The following RNLS variants were observed in gnomAD, a reference collection of about 807,000 sequenced individuals.
The protein encoded by RNLS is renalase, FAD dependent amine oxidase.
A neutral mutation model predicts 39.8 loss-of-function variants in RNLS; 39 were observed. The ratio of observed to expected loss-of-function variants is 0.98; its 90% confidence interval spans 0.76 to 1.28. RNLS has a LOEUF of 1.28. Among genes scored for constraint, RNLS ranks in the 50% most tolerant of loss-of-function variants. The probability of loss-of-function intolerance (pLI) is 0.00; values close to 1 mark genes in which losing one functional copy is unlikely to be tolerated. For missense variants in RNLS, 410 were observed against 413.3 expected, an observed-to-expected ratio of 0.99 and a Z score of 0.07; for synonymous variants, 147 against 150.7, an observed-to-expected ratio of 0.98 and a Z score of 0.18.
chr10:88,385,068 T>C (rs1290350758), intron 4 of RNLS, among the ~76,000 whole-genome samples: 1 of 152,334 alleles, frequency 6.6e-6, no homozygotes, highest in East Asian at 1.9e-4. Context: ...TAAAAGACCA[T>C]GCATCAAAAG....
the RNLS span, among the ~76,000 whole-genome samples, chr10:88,235,075 C>T: frequency 6.6e-6 from 1 of 151,870 alleles, no homozygotes; most frequent in Admixed American, 6.6e-5. Flanking sequence ...TCCTGGCTAA[C>T]ACGGTGAAAC....
chr10:88,328,621 G>C (rs370598177), intron 5 of RNLS, among the ~76,000 whole-genome samples: 1 of 151,878 alleles, frequency 6.6e-6, no homozygotes, highest in Non-Finnish European at 1.5e-5. Flanking sequence ...TATTTTTAGC[G>C]AATACTGATA....
intron 5 of RNLS, among the ~76,000 whole-genome samples, chr10:88,327,896 CCCAG>C (rs1037587187): frequency 6.6e-6 from 1 of 152,040 alleles, no homozygotes; most frequent in Non-Finnish European, 1.5e-5. Flanking sequence ...AGCCACTGCG[CCCAG>C]CCAATTTATT....
At chr10:88,238,716 T>C in the RNLS span, among the ~76,000 whole-genome samples, 1 of 152,172 alleles carries the variant, frequency 6.6e-6, no homozygotes, top group East Asian at 1.9e-4. Flanking sequence ...AGCCAACATG[T>C]TTTATGAGGC....
chr10:88,364,602 G>A (rs1007856590), intron 4 of RNLS, among the ~76,000 whole-genome samples: 3 of 152,092 alleles, frequency 2.0e-5, no homozygotes, highest in Non-Finnish European at 4.4e-5. Context: ...CTGCAAGTCT[G>A]AGTTTCAGAA....
At chr10:88,276,049 G>A (rs1358114513) in intron 6 of RNLS, among the ~76,000 whole-genome samples, 4 of 152,024 alleles carry the variant, frequency 2.6e-5, no homozygotes, top group African/African-American at 9.7e-5. Context: ...GCAAGACACT[G>A]TCTCTAAAAA....
chr10:88,445,732 G>A (rs1212306027), intron 4 of RNLS, among the ~76,000 whole-genome samples: 4 of 152,232 alleles, frequency 2.6e-5, no homozygotes, highest in South Asian at 2.1e-4. Flanking sequence ...ATTACATAAC[G>A]ATAAAGAGAT....
chr10:88,511,743 C>T (rs748847481), intron 4 of RNLS, among the ~76,000 whole-genome samples: 2 of 152,162 alleles, frequency 1.3e-5, no homozygotes, highest in Non-Finnish European at 2.9e-5. Context: ...GTGATCTACA[C>T]TCAAATGCTC....
chr10:88,206,358 T>C, the RNLS span, among the ~76,000 whole-genome samples: 1 of 152,206 alleles, frequency 6.6e-6, no homozygotes, highest in Admixed American at 6.6e-5. Flanking sequence ...AGAACACTCT[T>C]TCTCTGTTGA....
Position 88,501,015 on chromosome 10 carries a change from A to ATC in RNLS, c.526+71886_526+71887dup, listed in dbSNP as rs745674843. Reference sequence around the variant, plus strand: ...TATATATATGTGTGTGTGTATATATATCTCTGTGTGTGTGTGTGTGTGTAT... The same window carrying ATC: ...TATATATATGTGTGTGTGTATATATATCTCTCTGTGTGTGTGTGTGTGTGTAT... On this transcript the variant is annotated intron_variant, in intron 4 of 6. Coordinates refer to ENST00000331772, the MANE Select transcript of RNLS (RefSeq NM_001031709.3). Among the ~76,000 whole-genome samples, 40 of 121,556 alleles carry ATC rather than the reference A, an allele frequency of 3.3e-4. No individual in the cohort carries two copies. In the East Asian group the frequency reaches 5.2e-3, roughly 16 times the overall value. 79.7% of individuals were successfully genotyped at this position (121,556 alleles called of 152,430 possible). A position where few individuals can be genotyped will look rare whatever the true frequency, so the allele number is the denominator to read the frequency against.
chr10:88,226,714 T>C, the RNLS span, among the ~76,000 whole-genome samples: 1 of 150,826 alleles, frequency 6.6e-6, no homozygotes, highest in Non-Finnish European at 1.5e-5. Flanking sequence ...CTCTCTTCTC[T>C]GAATTAAAAT....
At chr10:88,545,342 C>T in intron 4 of RNLS, 1 of 410,762 alleles carries the variant, frequency 2.4e-6, no homozygotes, top group Non-Finnish European at 4.8e-6. Flanking sequence ...TGAAGAAACA[C>T]CCAAGACTGG....
chr10:88,427,994 G>A (rs1366492639), intron 4 of RNLS, among the ~76,000 whole-genome samples: 1 of 151,792 alleles, frequency 6.6e-6, no homozygotes, highest in Non-Finnish European at 1.5e-5. Context: ...TCAACTCTCT[G>A]TTTCTGTCAG....
At position 88,285,129 on chromosome 10, in the gene RNLS, T is replaced by A; in HGVS notation, c.*225A>T. 11 of 1,000,170 alleles carry A rather than the reference T, an allele frequency of 1.1e-5. No homozygotes were observed. The highest frequency in any genetic ancestry group is 4.1e-5 in the South Asian group (1 of 24,194). The allele number at this position is 1,000,170 out of a possible 1,614,324, so 62.0% of individuals were successfully genotyped here. A position where few individuals can be genotyped will look rare whatever the true frequency, so the allele number is the denominator to read the frequency against. On this transcript the variant is annotated 3_prime_UTR_variant, in exon 7 of 7. Transcript: ENST00000331772. Reference sequence around the variant, plus strand: ...CTCCAACAAGGAGTAGTCATAGCAATTCAGAAAAGTAGGGAAGGTGCAAGG... The same window carrying A: ...CTCCAACAAGGAGTAGTCATAGCAAATCAGAAAAGTAGGGAAGGTGCAAGG...
At chr10:88,216,858 C>T in the RNLS span, among the ~76,000 whole-genome samples, 615 of 152,308 alleles carry the variant, frequency 4.0e-3, 1 homozygote, top group Non-Finnish European at 6.5e-3. Flanking sequence ...TCCAACTCCA[C>T]GATGCTGCAG....
intron 4 of RNLS, among the ~76,000 whole-genome samples, chr10:88,498,629 A>C (rs1422795617): frequency 6.6e-6 from 1 of 151,166 alleles, no homozygotes; most frequent in Non-Finnish European, 1.5e-5. Flanking sequence ...TTATGTTACT[A>C]ATTTTGACAA....
intron 4 of RNLS, among the ~76,000 whole-genome samples, chr10:88,512,789 T>A (rs2134161786): frequency 6.6e-6 from 1 of 152,300 alleles, no homozygotes; most frequent in South Asian, 2.1e-4. Flanking sequence ...TTGCTTAGGC[T>A]GACTTCTCTG....
chr10:88,225,200 AGT>A, the RNLS span, among the ~76,000 whole-genome samples: 1 of 152,250 alleles, frequency 6.6e-6, no homozygotes, highest in Admixed American at 6.5e-5. Flanking sequence ...CCTCTTCACG[AGT>A]GTACACATAC....
At chr10:88,360,602 A>G (rs1157092449) in intron 5 of RNLS, among the ~76,000 whole-genome samples, 1 of 151,986 alleles carries the variant, frequency 6.6e-6, no homozygotes, top group African/African-American at 2.4e-5. Context: ...ATGCCCAGCT[A>G]GTTTTTTGTA....
Sources: gnomAD v4.1 joint callset for allele counts (sites outside exome capture counted in the v4.1 genomes callset) on GRCh38, gnomAD v4.1.1 for gene constraint, MANE v1.5 for transcripts, NCBI Gene and HGNC (gene_info 2026-07-23, HGNC 2026-07-21) for gene names.